The following TKTL1 variants were observed in gnomAD, a reference collection of about 807,000 sequenced individuals.
TKTL1 encodes the protein transketolase like 1.
TKTL1 carries 1 observed loss-of-function variant against 39.3 expected under a neutral mutation model. That is an observed-to-expected ratio of 0.03 (90% CI 0.01 to 0.12). TKTL1 has a LOEUF of 0.12. Ranked by LOEUF, TKTL1 falls within the 10% of genes least tolerant of loss-of-function variation. The pLI is 1.00. For synonymous variants in TKTL1, 262 were observed against 193.8 expected, an observed-to-expected ratio of 1.35 and a Z score of -2.92; for missense variants, 575 against 509.6, an observed-to-expected ratio of 1.13 and a Z score of -1.24.
At chrX:154,307,904 G>A (rs982670677) in intron 2 of TKTL1, among the ~76,000 whole-genome samples, 12 of 111,793 alleles carry the variant, frequency 1.1e-4, no homozygotes, top group Non-Finnish European at 2.1e-4. Flanking sequence ...GAACCAAAAG[G>A]GAGTCTCTGG....
intron 10 of TKTL1, chrX:154,327,139 C>A (rs1346731345): frequency 8.3e-6 from 2 of 239,532 alleles, no homozygotes; most frequent in Non-Finnish European, 1.6e-5. Flanking sequence ...TGGGTCCCAG[C>A]CCTGCCCTGG....
In TKTL1 at chrX:154,311,237, A is replaced by C; in HGVS notation, c.669A>C (p.Pro223=). 1.7e-6 allele frequency: 2 copies of C among 1,211,575 alleles called. No individual in the cohort carries two copies. Among genetic ancestry groups the C allele is most frequent in the Non-Finnish European group, 2.2e-6 (2 of 895,223 alleles). Residue 223 remains proline, a splice_region_variant and synonymous_variant, in exon 5 of 13, where the codon CCA becomes CCC. Transcript: ENST00000369915. ...AGACCTTCAAGGGCCGGGGCACCCC[A>C]AGTAAGCAAGCACTTTCCTCCTGCT... is the stretch of plus-strand genomic sequence containing the variant. The part of the protein sequence containing the change: ...VAKTFKGRGT[P]SIEDAESWHA...
chrX:154,305,548 C>T, intron 2 of TKTL1, 127 bp downstream of exon 2: 1 of 877,185 alleles, frequency 1.1e-6, no homozygotes, highest in Non-Finnish European at 1.6e-6. Context: ...TTCTTTGCAT[C>T]TTAAAGCTCG....
intron 10 of TKTL1, among the ~76,000 whole-genome samples, chrX:154,326,339 C>T (rs1260602818): frequency 8.9e-6 from 1 of 112,332 alleles, no homozygotes; most frequent in Non-Finnish European, 1.9e-5. Context: ...TGACTCTGCT[C>T]ATCACCTAGG....
intron 1 of TKTL1, among the ~76,000 whole-genome samples, chrX:154,298,665 G>A (rs1366744972): frequency 1.8e-5 from 2 of 109,405 alleles, no homozygotes; most frequent in Non-Finnish European, 1.9e-5. Context: ...CTACACTCCA[G>A]CCTGGGTGAC....
At chrX:154,323,440 C>A in intron 9 of TKTL1, 103 bp downstream of exon 9, 1 of 930,806 alleles carries the variant, frequency 1.1e-6, no homozygotes, top group Non-Finnish European at 1.5e-6. Context: ...AAGTGATATT[C>A]ATTATAGAAA....
At chrX:154,297,849 G>T (rs2067242790) in intron 1 of TKTL1, among the ~76,000 whole-genome samples, 2 of 111,889 alleles carry the variant, frequency 1.8e-5, no homozygotes, top group Non-Finnish European at 3.8e-5. Context: ...AGTTTGCAGT[G>T]AACTAAGATT....
intron 9 of TKTL1, among the ~76,000 whole-genome samples, chrX:154,323,735 C>T (rs1362595880): frequency 1.8e-5 from 2 of 112,586 alleles, no homozygotes; most frequent in African/African-American, 6.5e-5. Context: ...CTGCTGTGTC[C>T]TGACATCCAG....
At chrX:154,297,243 G>GTT (rs142646789) in intron 1 of TKTL1, among the ~76,000 whole-genome samples, 2 of 92,736 alleles carry the variant, frequency 2.2e-5, no homozygotes, top group Non-Finnish European at 3.8e-5. Context: ...TGGTCTACAG[G>GTT]TTTTTTTTGT....
chrX:154,323,923 G>A (rs1569551143), intron 9 of TKTL1, among the ~76,000 whole-genome samples: 1 of 112,656 alleles, frequency 8.9e-6, no homozygotes, highest in African/African-American at 3.2e-5. Context: ...AGGCAGTGTG[G>A]TCTTGATCTT....
chrX:154,310,538 C>T (rs1338937512), intron 3 of TKTL1, among the ~76,000 whole-genome samples: 1 of 112,631 alleles, frequency 8.9e-6, no homozygotes, highest in Non-Finnish European at 1.9e-5. Flanking sequence ...CTTTCTTCCC[C>T]TTCCCCTCTG....
intron 7 of TKTL1, among the ~76,000 whole-genome samples, chrX:154,317,175 C>T (rs1026631365): frequency 1.8e-5 from 2 of 112,146 alleles, no homozygotes; most frequent in South Asian, 3.7e-4. Flanking sequence ...TGCCTCAGCA[C>T]GCAGCCATGT....
At chrX:154,323,050 G>T (rs1360072933) in intron 8 of TKTL1, among the ~76,000 whole-genome samples, 157 bp from the exon 9 acceptor site, 4 of 112,341 alleles carry the variant, frequency 3.6e-5, no homozygotes, top group Non-Finnish European at 1.9e-5. Context: ...ATGTAAATGA[G>T]TTGTGAGGAT....
rs782322974 is a variant in TKTL1 at position 154,327,621 on chromosome X, A to G, written c.1432A>G (p.Thr478Ala). The change falls in exon 11 of 13, where the codon ACA (threonine) becomes GCA (alanine). Residue 478 changes from threonine (T) to alanine (A), a missense_variant. Physicochemically the swap from Thr to Ala is moderately conservative, Grantham distance 58. Coordinates refer to ENST00000369915, the MANE Select transcript of TKTL1 (RefSeq NM_012253.4). ...CCGCCACTGTGTCAGTGACAAGGTC[A>G]CAGTTATTGGAGCTGGAATTACTGT... Reference protein sequence around the residue: ...VLRHCVSDKVTVIGAGITVYE... With the variant: ...VLRHCVSDKVAVIGAGITVYE... 8.3e-7 allele frequency: 1 copy of G among 1,211,304 alleles called. No individual in the cohort carries two copies. Among genetic ancestry groups the G allele is most frequent in the Non-Finnish European group, 1.1e-6 (1 of 895,080 alleles).
At chrX:154,327,727 A>G in intron 11 of TKTL1, 40 bp downstream of exon 11, 1 of 1,196,613 alleles carries the variant, frequency 8.4e-7, no homozygotes, top group Non-Finnish European at 1.1e-6. Context: ...TCAAGCTGGG[A>G]AGAGGTAGGA....
intron 7 of TKTL1, chrX:154,320,423 C>T (rs781864692): frequency 3.4e-5 from 9 of 266,928 alleles, no homozygotes; most frequent in Non-Finnish European, 5.3e-5. Flanking sequence ...GGAGGAGGAG[C>T]TGCATGGCTG....
intron 1 of TKTL1, among the ~76,000 whole-genome samples, chrX:154,303,274 G>A (rs1181508806): frequency 4.9e-4 from 50 of 102,986 alleles, no homozygotes; most frequent in African/African-American, 1.7e-3. Context: ...GTGCAGTGGC[G>A]TGATCATGGC....
At chrX:154,300,243 T>C (rs2067262934) in intron 1 of TKTL1, among the ~76,000 whole-genome samples, 2 of 112,143 alleles carry the variant, frequency 1.8e-5, no homozygotes, top group African/African-American at 6.5e-5. Flanking sequence ...CTCGGTCTCT[T>C]GACCTGGTGA....
chrX:154,303,655 CA>C (rs1422075706), intron 1 of TKTL1, among the ~76,000 whole-genome samples: 1 of 107,010 alleles, frequency 9.3e-6, no homozygotes, highest in Non-Finnish European at 1.9e-5. Context: ...CTCATCATGC[CA>C]GGGGGACTCC....
Sources: gnomAD v4.1 joint callset for allele counts (sites outside exome capture counted in the v4.1 genomes callset) on GRCh38, gnomAD v4.1.1 for gene constraint, MANE v1.5 for transcripts, NCBI Gene and HGNC (gene_info 2026-07-23, HGNC 2026-07-21) for gene names.